CCDC112: variants seen among roughly 807,000 people sequenced by gnomAD.
CCDC112 encodes coiled-coil domain containing 112, also known as coiled-coil domain-containing protein 112.
Under a neutral mutation model 66.3 loss-of-function variants are expected in CCDC112, and 40 were observed. That is an observed-to-expected ratio of 0.60 (90% CI 0.47 to 0.79). The LOEUF (loss-of-function observed/expected upper bound fraction) is 0.79, where lower values mean the gene tolerates loss of function less well. Among genes scored for constraint, CCDC112 ranks in the 30% least tolerant of loss-of-function variants. CCDC112 has a pLI of 0.00. For synonymous variants in CCDC112, 214 were observed against 197.2 expected (o/e 1.09, Z -0.71); for missense variants, 659 against 603.8 (o/e 1.09, Z -0.96).
intron 1 of CCDC112, 132 bp from the exon 2 acceptor site, chr5:115,285,040 C>A: frequency 1.5e-6 from 1 of 683,764 alleles, no homozygotes. Context: ...TCACTTAACT[C>A]TTAAAAGTAC....
At chr5:115,276,104 T>G (rs1749197357) in intron 4 of CCDC112, 35 bp from the exon 5 acceptor site, 1 of 1,425,638 alleles carries the variant, frequency 7.0e-7, no homozygotes, top group South Asian at 1.2e-5. Flanking sequence ...TTTTGTGCCA[T>G]TTTCCCATAT....
In CCDC112 at chr5:115,296,464, G is replaced by C; in HGVS notation, c.80C>G (p.Thr27Ser). 1.9e-6 allele frequency: 3 copies of C among 1,558,394 alleles called. No individual in the cohort carries two copies. Among genetic ancestry groups the C allele is most frequent in the Non-Finnish European group, 1.7e-6 (2 of 1,159,596 alleles). ...TGGCGTCGCTCCCACGCCGGTCCCG[G>C]TGGCCGCGCCCGCCCCTGCCACAGC... ...AGAVAGAGAA[T>S]GTGVGATPAP... Residue 27 changes from threonine (T) to serine (S), a missense_variant, in exon 1 of 10, where the codon ACC (threonine) becomes AGC (serine). Transcript: ENST00000379611.
intron 1 of CCDC112, 58 bp downstream of exon 1, chr5:115,296,369 C>T (rs1750156991): frequency 2.0e-6 from 3 of 1,522,678 alleles, no homozygotes; most frequent in Non-Finnish European, 2.6e-6. Context: ...ACCTGTTCAG[C>T]CAGGGCCTGC....
chr5:115,289,335 T>A (rs1163719055), intron 1 of CCDC112: 4 of 156,460 alleles, frequency 2.6e-5, no homozygotes, highest in Non-Finnish European at 4.2e-5. Flanking sequence ...TTGGGCTTCT[T>A]GGCAGCAGGA....
intron 2 of CCDC112, among the ~76,000 whole-genome samples, chr5:115,283,513 T>C (rs1476064018): frequency 2.6e-5 from 4 of 152,168 alleles, no homozygotes; most frequent in Admixed American, 1.3e-4. Flanking sequence ...GTGATGGATA[T>C]GTTAATTAGC....
intron 1 of CCDC112, among the ~76,000 whole-genome samples, chr5:115,288,146 A>C (rs1333667478): frequency 2.0e-5 from 3 of 152,002 alleles, no homozygotes; most frequent in African/African-American, 7.2e-5. Context: ...ACGCCCAGCT[A>C]ATTTTTGTAT....
intron 1 of CCDC112, among the ~76,000 whole-genome samples, chr5:115,295,661 A>G (rs1484697108): frequency 6.6e-6 from 1 of 152,222 alleles, no homozygotes; most frequent in Non-Finnish European, 1.5e-5. Flanking sequence ...TGGGAATACA[A>G]TAAAGAATAA....
chr5:115,283,603 T>C (rs1205512231), intron 2 of CCDC112, among the ~76,000 whole-genome samples: 1 of 152,146 alleles, frequency 6.6e-6, no homozygotes, highest in Non-Finnish European at 1.5e-5. Context: ...TAATTTTTAT[T>C]TGTCAGTTAT....
chr5:115,295,795 G>T, intron 1 of CCDC112: 1 of 561,728 alleles, frequency 1.8e-6, no homozygotes, highest in Non-Finnish European at 2.3e-6. Flanking sequence ...ATGGTACTAA[G>T]TGCTATGGGG....
intron 1 of CCDC112, among the ~76,000 whole-genome samples, chr5:115,295,091 C>A (rs1258916442): frequency 2.0e-5 from 3 of 152,080 alleles, no homozygotes; most frequent in East Asian, 3.9e-4. Context: ...CCCCTCAACA[C>A]CCCCCTGCTC....
intron 7 of CCDC112, among the ~76,000 whole-genome samples, chr5:115,270,004 T>C (rs942786711): frequency 6.6e-6 from 1 of 152,146 alleles, no homozygotes; most frequent in East Asian, 1.9e-4. Flanking sequence ...ATTTTAGGCA[T>C]CTCTTGTTTT....
chr5:115,271,062 T>G, intron 7 of CCDC112, 151 bp downstream of exon 7: 1 of 647,580 alleles, frequency 1.5e-6, no homozygotes, highest in Non-Finnish European at 2.6e-6. Context: ...TATAACCTAC[T>G]AGAAGTTAGG....
chr5:115,271,120 A>G, intron 7 of CCDC112, 93 bp downstream of exon 7: 7 of 1,171,536 alleles, frequency 6.0e-6, no homozygotes, highest in Non-Finnish European at 8.4e-6. Flanking sequence ...CACAGGTCCA[A>G]TATACAAATA....
At chr5:115,272,939 T>C (rs746974968) in intron 6 of CCDC112, among the ~76,000 whole-genome samples, 19 of 152,084 alleles carry the variant, frequency 1.2e-4, no homozygotes, top group Non-Finnish European at 2.1e-4. Context: ...GAAAATTTTC[T>C]ATGGAAAAAA....
At chr5:115,268,810 T>A (rs1241101387) in intron 9 of CCDC112, 72 bp downstream of exon 9, 2 of 651,032 alleles carry the variant, frequency 3.1e-6, no homozygotes, top group East Asian at 3.0e-5. Context: ...AATTTACATA[T>A]AGTAAGTGCA....
intron 1 of CCDC112, chr5:115,288,947 CAG>C (rs1179695611): frequency 7.6e-5 from 32 of 423,046 alleles, no homozygotes; most frequent in African/African-American, 4.4e-4. Context: ...AGGAGGGAGA[CAG>C]GGACTACTAA....
chr5:115,286,097 G>T (rs986927246), intron 1 of CCDC112, among the ~76,000 whole-genome samples: 11 of 152,072 alleles, frequency 7.2e-5, no homozygotes, highest in African/African-American at 2.7e-4. Context: ...ACAATTCAGT[G>T]GTTTTTAGTG....
At chr5:115,269,842 G>C in intron 7 of CCDC112, 44 bp from the exon 8 acceptor site, 1 of 1,229,670 alleles carries the variant, frequency 8.1e-7, no homozygotes, top group Non-Finnish European at 1.1e-6. Context: ...ATGTGAACTA[G>C]AATTTGTTCA....
At chr5:115,272,663 C>T (rs1009299551) in intron 6 of CCDC112, among the ~76,000 whole-genome samples, 1 of 152,144 alleles carries the variant, frequency 6.6e-6, no homozygotes, top group Non-Finnish European at 1.5e-5. Flanking sequence ...CTTCTCCATG[C>T]CATTTAGGGC....
Sources: allele counts gnomAD v4.1 joint callset (sites outside exome capture counted in the v4.1 genomes callset), GRCh38; gene constraint gnomAD v4.1.1; transcripts MANE v1.5; gene names NCBI Gene and HGNC (gene_info 2026-07-23, HGNC 2026-07-21).